MGAM2: variants seen among roughly 807,000 people sequenced by gnomAD.
MGAM2 encodes the protein maltase-glucoamylase 2 (putative), also known as probable maltase-glucoamylase 2.
In MGAM2, 98 loss-of-function variants were observed where a neutral mutation model predicts 96.1. That is an observed-to-expected ratio of 1.02 (90% CI 0.87 to 1.21). The LOEUF is 1.21. Ranked by LOEUF, MGAM2 falls within the 50% of genes most tolerant of loss-of-function variation. The pLI is 0.00. For missense variants in MGAM2, 2,055 were observed against 1,182.4 expected, an observed-to-expected ratio of 1.74 and a Z score of -10.82; for synonymous variants, 749 against 414.8, an observed-to-expected ratio of 1.81 and a Z score of -9.79.
intron 15 of MGAM2, among the ~76,000 whole-genome samples, chr7:142,152,488 C>T (rs796179181): frequency 2.5e-4 from 38 of 152,112 alleles, no homozygotes; most frequent in African/African-American, 7.7e-4. Context: ...AGCAGTTTTC[C>T]GTTTCAAAAT....
At chr7:142,128,247 C>T (rs570934912) in intron 3 of MGAM2, among the ~76,000 whole-genome samples, 1 of 152,196 alleles carries the variant, frequency 6.6e-6, no homozygotes, top group Admixed American at 6.5e-5. Flanking sequence ...CTGTTAAAGG[C>T]GTTCAGCTTA....
chr7:142,192,895 A>G (rs1298800496), intron 37 of MGAM2, among the ~76,000 whole-genome samples: 3 of 152,184 alleles, frequency 2.0e-5, no homozygotes, highest in Non-Finnish European at 4.4e-5. Flanking sequence ...CATCTTTCAA[A>G]TTGGAAAAAT....
In MGAM2 at chr7:142,131,828, G is replaced by T. The variant is rs559469682; in HGVS notation, c.421-103G>T. 2.4e-5 allele frequency: 15 copies of T among 618,424 alleles called. No individual in the cohort carries two copies. The East Asian group carries it at 4.1e-4, about 17-fold the overall frequency. 38.3% of individuals were successfully genotyped at this position (618,424 alleles called of 1,614,324 possible). ...GAAGCCACAAGGTGAAGAATTAGAA[G>T]CTATTCTCATGGGGTGTCATTTGAG... is the stretch of plus-strand genomic sequence containing the variant. On this transcript the variant is annotated intron_variant, in intron 5 of 47. Coordinates refer to ENST00000477922, the MANE Select transcript of MGAM2 (RefSeq NM_001293626.2).
chr7:142,134,196 C>T (rs765509861), intron 7 of MGAM2, 44 bp downstream of exon 7: 2 of 684,556 alleles, frequency 2.9e-6, no homozygotes, highest in Non-Finnish European at 2.7e-6. Flanking sequence ...GTAAGGGATA[C>T]CCTCCTTCCT....
intron 3 of MGAM2, among the ~76,000 whole-genome samples, chr7:142,128,890 C>T (rs1300089868): frequency 6.7e-6 from 1 of 149,988 alleles, no homozygotes; most frequent in Non-Finnish European, 1.5e-5. Context: ...GGGGCGCAGC[C>T]TAGTGAAGTT....
chr7:142,184,267 C>G (rs1184981394), intron 33 of MGAM2, among the ~76,000 whole-genome samples: 1 of 152,146 alleles, frequency 6.6e-6, no homozygotes, highest in African/African-American at 2.4e-5. Flanking sequence ...GCCACTGTGC[C>G]TGGCCCTGTG....
At chr7:142,193,240 C>T (rs1430759403) in intron 37 of MGAM2, among the ~76,000 whole-genome samples, 1 of 152,190 alleles carries the variant, frequency 6.6e-6, no homozygotes, top group African/African-American at 2.4e-5. Flanking sequence ...CACATACAAT[C>T]TAAAGACCAA....
chr7:142,159,690 C>T (rs12703438), intron 20 of MGAM2, among the ~76,000 whole-genome samples: 33,464 of 151,984 alleles, frequency 0.22, 3,777 homozygotes, highest in Middle Eastern at 0.32. Flanking sequence ...ACAAAAGTCT[C>T]CCCACCCCTT....
chr7:142,198,181 T>C lies in MGAM2; in HGVS notation c.4909T>C (p.Tyr1637His). The C allele has an allele frequency of 1.4e-6, 1 of 703,106 alleles. No homozygotes were observed. 43.6% of individuals were successfully genotyped at this position (703,106 alleles called of 1,614,324 possible). ...TGCTTATTTTCCGAGAGCCCGTTGGTATGACTATAGCACGGTAAGAACTAA... is the reference window on the plus strand; with the variant it reads ...TGCTTATTTTCCGAGAGCCCGTTGGCATGACTATAGCACGGTAAGAACTAA... ...ISAYFPRARWYDYSTGTSSTS... is the reference protein window; with the variant it reads ...ISAYFPRARWHDYSTGTSSTS... The change falls in exon 43 of 48, where the codon TAT (tyrosine) becomes CAT (histidine). Residue 1637 changes from tyrosine to histidine, a missense_variant. Coordinates refer to ENST00000477922, the MANE Select transcript of MGAM2 (RefSeq NM_001293626.2).
rs553646016 is a variant in MGAM2 at position 142,170,987 on chromosome 7, G to C, written c.3183-285G>C. On this transcript the variant is annotated intron_variant, in intron 27 of 47. Coordinates refer to ENST00000477922, the MANE Select transcript of MGAM2 (RefSeq NM_001293626.2). Reference sequence around the variant, plus strand: ...ATATTTACTCAAGCTGATATTCCAGGCACTGAGAACTTGAAATAAATAGAA... The same window carrying C: ...ATATTTACTCAAGCTGATATTCCAGCCACTGAGAACTTGAAATAAATAGAA... 2.6e-5 allele frequency among the ~76,000 whole-genome samples: 4 copies of C among 152,198 alleles called. No individual in the cohort carries two copies. In the South Asian group the frequency reaches 8.3e-4, roughly 32 times the overall value.
intron 37 of MGAM2, among the ~76,000 whole-genome samples, chr7:142,195,536 T>A (rs77905614): frequency 6.7e-6 from 1 of 149,884 alleles, no homozygotes; most frequent in African/African-American, 2.5e-5. Context: ...TTTTTTTTTT[T>A]AGTAGAGACA....
At chr7:142,155,084 G>A (rs1189937611) in intron 17 of MGAM2, among the ~76,000 whole-genome samples, 5 of 152,150 alleles carry the variant, frequency 3.3e-5, no homozygotes, top group Admixed American at 3.3e-4. Flanking sequence ...GAGAAGATTT[G>A]TTAAAGTTTC....
At chr7:142,213,292 G>A (rs556624273) in intron 46 of MGAM2, among the ~76,000 whole-genome samples, 2 of 152,154 alleles carry the variant, frequency 1.3e-5, no homozygotes, top group Admixed American at 1.3e-4. Context: ...AAGTTCAAAA[G>A]CTAGCAGAAG....
chr7:142,152,026 C>T (rs1296973656), intron 15 of MGAM2, among the ~76,000 whole-genome samples: 1 of 152,166 alleles, frequency 6.6e-6, no homozygotes, highest in Non-Finnish European at 1.5e-5. Context: ...ATTATCCCCA[C>T]CTCTAGGCTG....
chr7:142,176,544 G>A (rs1409763434), intron 32 of MGAM2, among the ~76,000 whole-genome samples: 1 of 152,104 alleles, frequency 6.6e-6, no homozygotes, highest in African/African-American at 2.4e-5. Flanking sequence ...AATGGAGGGA[G>A]ACAGCCAATA....
chr7:142,158,028 T>C lies in MGAM2; in HGVS notation c.2015T>C (p.Leu672Pro). Reference sequence around the variant, plus strand: ...ATCCGCTACACCTTGCTGCCCTATCTCTATACCCTTTTCTACCATGCTCAC... The same window carrying C: ...ATCCGCTACACCTTGCTGCCCTATCCCTATACCCTTTTCTACCATGCTCAC... ...LNIRYTLLPY[L>P]YTLFYHAHTR... Residue 672 changes from leucine to proline, a missense_variant, in exon 18 of 48, where the codon CTC becomes CCC. Coordinates refer to ENST00000477922, the MANE Select transcript of MGAM2 (RefSeq NM_001293626.2). 1.4e-6 allele frequency: 1 copy of C among 703,004 alleles called. No individual in the cohort carries two copies. Among genetic ancestry groups the C allele is most frequent in the Non-Finnish European group, 2.6e-6 (1 of 385,004 alleles). 43.5% of individuals were successfully genotyped at this position (703,004 alleles called of 1,614,324 possible). A position where few individuals can be genotyped will look rare whatever the true frequency, so the allele number is the denominator to read the frequency against.
Position 142,192,645 on chromosome 7 carries a change from T to C in MGAM2, c.4346+3140T>C, listed in dbSNP as rs534817557. Among the ~76,000 whole-genome samples the C allele has an allele frequency of 1.2e-4, 19 of 152,292 alleles. No individual in the cohort carries two copies. In the South Asian group the frequency reaches 3.7e-3, roughly 30 times the overall value. On this transcript the variant is annotated intron_variant, in intron 37 of 47. Coordinates refer to ENST00000477922, the MANE Select transcript of MGAM2 (RefSeq NM_001293626.2). The stretch of plus-strand genomic sequence containing the variant: ...GCAGCAATAAGAAGATGTGAAAACT[T>C]GATAAAGTTTCTACCAAAAGCTCAA...
intron 45 of MGAM2, among the ~76,000 whole-genome samples, chr7:142,202,423 G>A (rs1797267670): frequency 6.6e-6 from 1 of 152,182 alleles, no homozygotes; most frequent in Non-Finnish European, 1.5e-5. Flanking sequence ...CCCAGGCAGT[G>A]AGCATAGTAA....
intron 36 of MGAM2, 139 bp from the exon 37 acceptor site, chr7:142,189,228 T>C (rs1189215237): frequency 1.9e-6 from 1 of 533,060 alleles, no homozygotes; most frequent in Non-Finnish European, 3.3e-6. Context: ...TTGTTTTCTA[T>C]AGACTAAAAC....
Sources: allele counts gnomAD v4.1 joint callset (sites outside exome capture counted in the v4.1 genomes callset), GRCh38; gene constraint gnomAD v4.1.1; transcripts MANE v1.5; gene names NCBI Gene and HGNC (gene_info 2026-07-23, HGNC 2026-07-21).